ACYP2: variants seen among roughly 807,000 people sequenced by gnomAD.
ACYP2 encodes acylphosphatase 2.
A neutral mutation model predicts 11.2 loss-of-function variants in ACYP2; 12 were observed. The ratio of observed to expected loss-of-function variants is 1.08; its 90% CI spans 0.69 to 1.74. The LOEUF is 1.74. ACYP2 is among the 40% of genes most tolerant of loss of function. The pLI, the probability that ACYP2 is intolerant of heterozygous loss-of-function variation, is 0.00. For missense variants in ACYP2, 134 were observed against 101.9 expected (o/e 1.31, Z -1.35); for synonymous variants, 43 against 32.2 (o/e 1.33, Z -1.13).
chr2:54,219,904 TA>T (rs370433785), intron 6 of ACYP2, among the ~76,000 whole-genome samples: 11,801 of 97,672 alleles, frequency 0.12, 860 homozygotes, highest in East Asian at 0.18. Flanking sequence ...TATATATATA[TA>T]TTTTTTTTTT....
chr2:54,062,989 C>T (rs190716421), intron 4 of ACYP2, among the ~76,000 whole-genome samples: 175 of 152,244 alleles, frequency 1.1e-3, no homozygotes, highest in African/African-American at 3.8e-3. Flanking sequence ...TTCATTAATT[C>T]GACTATTGAC....
intron 6 of ACYP2, among the ~76,000 whole-genome samples, chr2:54,240,600 G>C (rs1686689219): frequency 6.6e-6 from 1 of 152,082 alleles, no homozygotes; most frequent in South Asian, 2.1e-4. Context: ...TCAAAACTTT[G>C]TCTTTGCGGC....
intron 2 of ACYP2, among the ~76,000 whole-genome samples, chr2:53,974,487 G>A (rs2104504601): frequency 6.6e-6 from 1 of 152,278 alleles, no homozygotes; most frequent in Admixed American, 6.5e-5. Context: ...GAAGTGGTAG[G>A]TAGATTTGAG....
chr2:54,025,926 G>A (rs553610705), intron 2 of ACYP2, among the ~76,000 whole-genome samples: 1 of 152,280 alleles, frequency 6.6e-6, no homozygotes, highest in East Asian at 1.9e-4. Context: ...AGAGCAGCCT[G>A]GCCAACATGG....
chr2:54,163,246 GTA>G (rs1303462954), intron 6 of ACYP2, among the ~76,000 whole-genome samples: 1 of 152,138 alleles, frequency 6.6e-6, no homozygotes, highest in African/African-American at 2.4e-5. Context: ...TGATTTATGT[GTA>G]TATGCTTTTG....
intron 2 of ACYP2, among the ~76,000 whole-genome samples, chr2:53,992,876 G>C (rs931244834): frequency 2.0e-5 from 3 of 151,410 alleles, no homozygotes; most frequent in Non-Finnish European, 4.4e-5. Context: ...GCAAAAGAAG[G>C]AGAAGTAACT....
chr2:54,032,780 C>T (rs961168041), intron 2 of ACYP2, among the ~76,000 whole-genome samples: 2 of 152,166 alleles, frequency 1.3e-5, no homozygotes, highest in Non-Finnish European at 2.9e-5. Context: ...TGATGGACCT[C>T]TTCAAGGAGA....
chr2:54,164,964 A>T (rs1215157), intron 6 of ACYP2, among the ~76,000 whole-genome samples: 1 of 151,938 alleles, frequency 6.6e-6, no homozygotes, highest in Admixed American at 6.6e-5. Flanking sequence ...TGGGATGTTT[A>T]GTTTTCTGTT....
At chr2:54,276,680 GT>G (rs1485561681) in intron 6 of ACYP2, among the ~76,000 whole-genome samples, 1 of 146,288 alleles carries the variant, frequency 6.8e-6, no homozygotes, top group Non-Finnish European at 1.5e-5. Flanking sequence ...AAGAAAAATT[GT>G]TTTTTTCCTT....
At chr2:54,048,427 GAA>G (rs1253505103) in intron 2 of ACYP2, among the ~76,000 whole-genome samples, 1 of 150,974 alleles carries the variant, frequency 6.6e-6, no homozygotes, top group Non-Finnish European at 1.5e-5. Context: ...TTTGTCTCAA[GAA>G]AAAGAAAAAA....
intron 2 of ACYP2, among the ~76,000 whole-genome samples, chr2:54,013,444 G>A (rs1673503341): frequency 6.6e-6 from 1 of 151,814 alleles, no homozygotes; most frequent in Admixed American, 6.6e-5. Flanking sequence ...GGGATTAGAG[G>A]CATGCACTAC....
At chr2:54,153,460 G>GTTTTT (rs3069007) in intron 6 of ACYP2, among the ~76,000 whole-genome samples, 17 of 133,066 alleles carry the variant, frequency 1.3e-4, no homozygotes, top group Admixed American at 4.5e-4. Flanking sequence ...GCTACTTAGG[G>GTTTTT]TTTTTTTTTT....
chr2:54,186,833 T>G (rs1256063527), intron 6 of ACYP2, among the ~76,000 whole-genome samples: 2 of 152,128 alleles, frequency 1.3e-5, no homozygotes, highest in East Asian at 3.8e-4. Flanking sequence ...ATTTTTAAAC[T>G]GTGAAAATTA....
intron 6 of ACYP2, chr2:54,141,835 T>C: frequency 1.8e-6 from 1 of 541,580 alleles, no homozygotes; most frequent in Non-Finnish European, 3.4e-6. Context: ...AGATAAACTT[T>C]ATGTATTTAT....
At chr2:54,242,481 A>G (rs1008788771) in intron 6 of ACYP2, among the ~76,000 whole-genome samples, 1 of 152,244 alleles carries the variant, frequency 6.6e-6, no homozygotes, top group African/African-American at 2.4e-5. Flanking sequence ...TAAAATATAT[A>G]CAGTCATATG....
intron 6 of ACYP2, among the ~76,000 whole-genome samples, chr2:54,252,999 G>C (rs886705472): frequency 6.6e-6 from 1 of 151,966 alleles, no homozygotes; most frequent in Non-Finnish European, 1.5e-5. Flanking sequence ...TGAATCATGA[G>C]GTCAGGAGTT....
rs780930918 is a variant in ACYP2, at chr2:54,254,877, G to A, written c.405-49811G>A. The A allele has an allele frequency of 7.6e-6, 12 of 1,575,160 alleles. No homozygotes were observed. The South Asian group carries it at 1.2e-4, about 15-fold the overall frequency. On this transcript the variant is annotated intron_variant, in intron 6 of 6. Transcript: ENST00000607452. ...TGCCCAAGCTCAGGTCCAGCTGGTG[G>A]TGGCAGGCAACCTTCTGCAGGAGTA...
At chr2:54,098,386 C>G (rs1678708814) in intron 4 of ACYP2, among the ~76,000 whole-genome samples, 1 of 152,080 alleles carries the variant, frequency 6.6e-6, no homozygotes, top group African/African-American at 2.4e-5. Flanking sequence ...GTTTCATTGT[C>G]TCCTGAATGT....
At chr2:54,233,797 T>G (rs1686349725) in intron 6 of ACYP2, among the ~76,000 whole-genome samples, 1 of 152,164 alleles carries the variant, frequency 6.6e-6, no homozygotes, top group African/African-American at 2.4e-5. Flanking sequence ...TCTCTTACAT[T>G]AAGGGAACTT....
Sources: gnomAD v4.1 joint callset for allele counts (sites outside exome capture counted in the v4.1 genomes callset) on GRCh38, gnomAD v4.1.1 for gene constraint, MANE v1.5 for transcripts, NCBI Gene and HGNC (gene_info 2026-07-23, HGNC 2026-07-21) for gene names.